The following MEF2C variants were observed in gnomAD, a reference collection of about 807,000 sequenced individuals.
MEF2C encodes the protein myocyte-specific enhancer factor 2C.
Under a neutral mutation model 50.5 loss-of-function variants are expected in MEF2C, and 6 were observed. The observed-to-expected ratio is 0.12, with a 90% CI of 0.07 to 0.23. MEF2C has a LOEUF of 0.23. MEF2C is among the 10% of genes least tolerant of loss of function. MEF2C has a pLI of 1.00. For missense variants in MEF2C, 276 were observed against 605.0 expected (o/e 0.46, Z 5.70); for synonymous variants, 183 against 228.0 (o/e 0.80, Z 1.78).
intron 4 of MEF2C, among the ~76,000 whole-genome samples, chr5:88,754,196 T>C (rs1316451877): frequency 6.6e-6 from 1 of 152,180 alleles, no homozygotes; most frequent in East Asian, 1.9e-4. Context: ...CAGGGTATTT[T>C]TTTATAGTGG....
chr5:88,759,437 G>A (rs952807447), intron 4 of MEF2C, among the ~76,000 whole-genome samples: 14 of 152,060 alleles, frequency 9.2e-5, no homozygotes, highest in Admixed American at 7.2e-4. Context: ...AGTGGAGATC[G>A]TGCCATTGCA....
At chr5:88,892,346 A>G (rs1280593264) in intron 1 of MEF2C, 1 of 152,228 alleles carries the variant, frequency 6.6e-6, no homozygotes, top group Non-Finnish European at 1.5e-5. Context: ...TAAAATGTGG[A>G]ACAAAATGTG....
intron 6 of MEF2C, chr5:88,741,599 T>C: frequency 2.0e-6 from 2 of 983,332 alleles, no homozygotes; most frequent in Non-Finnish European, 2.4e-6. Flanking sequence ...TGTAAATTAA[T>C]GTTATAATGT....
At chr5:88,873,695 A>G (rs1237216763) in intron 1 of MEF2C, among the ~76,000 whole-genome samples, 1 of 144,428 alleles carries the variant, frequency 6.9e-6, no homozygotes, top group African/African-American at 2.6e-5. Flanking sequence ...CAAATCTATC[A>G]ATGTCGTCAC....
intron 1 of MEF2C, among the ~76,000 whole-genome samples, chr5:88,866,733 G>T (rs1474231855): frequency 6.6e-6 from 1 of 151,986 alleles, no homozygotes; most frequent in South Asian, 2.1e-4. Context: ...ATCTAACTTT[G>T]GTTTTAAAGT....
At chr5:88,780,614 CT>C (rs1337904514) in intron 3 of MEF2C, 2 of 281,280 alleles carry the variant, frequency 7.1e-6, no homozygotes, top group African/African-American at 4.6e-5. Context: ...CATGAAAATA[CT>C]GCGGGAGCCA....
intron 1 of MEF2C, among the ~76,000 whole-genome samples, chr5:88,897,573 T>C (rs930060017): frequency 3.0e-4 from 46 of 152,330 alleles, no homozygotes; most frequent in African/African-American, 9.1e-4. Flanking sequence ...CAAGCTGTAT[T>C]ATTTAGCATC....
intron 1 of MEF2C, among the ~76,000 whole-genome samples, chr5:88,837,609 G>C (rs1490395139): frequency 6.6e-6 from 1 of 151,968 alleles, no homozygotes; most frequent in Non-Finnish European, 1.5e-5. Context: ...TTCCTAAATG[G>C]TATGCATTCA....
chr5:88,836,434 A>C (rs765024060), intron 1 of MEF2C, among the ~76,000 whole-genome samples: 40 of 151,890 alleles, frequency 2.6e-4, no homozygotes, highest in Non-Finnish European at 1.2e-4. Flanking sequence ...TCTCCTCTCT[A>C]CTTGTAGCAT....
chr5:88,774,468 G>A (rs1023100224), intron 3 of MEF2C, among the ~76,000 whole-genome samples: 42 of 151,790 alleles, frequency 2.8e-4, no homozygotes, highest in Non-Finnish European at 4.7e-4. Context: ...GACTACAGGC[G>A]CCCGCCACCA....
intron 5 of MEF2C, 100 bp downstream of exon 5, chr5:88,751,757 T>C (rs1245917743): frequency 2.2e-6 from 3 of 1,338,392 alleles, no homozygotes; most frequent in Admixed American, 1.8e-5. Context: ...GGAGAGTAAG[T>C]GGAAAACCAG....
rs377470222 is a variant in MEF2C, at chr5:88,760,099, G to A, written c.402+1086C>T. Among the ~76,000 whole-genome samples the A allele has an allele frequency of 2.0e-5, 3 of 152,206 alleles. No individual in the cohort carries two copies. The East Asian group carries it at 5.8e-4, about 29-fold the overall frequency. On this transcript the variant is annotated intron_variant, in intron 4 of 10. Transcript: ENST00000504921. ...TACTGAGGAGCTTGTATACAATTAAGGTTCAGACACTAACATTAGTTATTT... is the reference window on the plus strand; with the variant it reads ...TACTGAGGAGCTTGTATACAATTAAAGTTCAGACACTAACATTAGTTATTT...
intron 1 of MEF2C, among the ~76,000 whole-genome samples, chr5:88,826,430 T>C (rs1003145156): frequency 6.6e-6 from 1 of 151,940 alleles, no homozygotes; most frequent in Admixed American, 6.6e-5. Flanking sequence ...CAGAGTAATA[T>C]GTGGTGATGA....
At chr5:88,795,271 C>T (rs548282689) in intron 3 of MEF2C, among the ~76,000 whole-genome samples, 1 of 152,062 alleles carries the variant, frequency 6.6e-6, no homozygotes, top group Admixed American at 6.6e-5. Flanking sequence ...TCTTCCTATC[C>T]GTGAGCATGG....
At chr5:88,742,704 C>G (rs1767404067) in intron 6 of MEF2C, 2 of 985,172 alleles carry the variant, frequency 2.0e-6, no homozygotes, top group African/African-American at 1.7e-5. Flanking sequence ...CTGACTTAAC[C>G]TGTAACATTT....
At chr5:88,737,162 A>G (rs1048826641) in intron 6 of MEF2C, 7 of 985,444 alleles carry the variant, frequency 7.1e-6, no homozygotes, top group Non-Finnish European at 8.4e-6. Flanking sequence ...AAATGTAATG[A>G]GTAACTTGTT....
chr5:88,733,767 C>A, intron 6 of MEF2C: 1 of 985,130 alleles, frequency 1.0e-6, no homozygotes, highest in Non-Finnish European at 1.2e-6. Context: ...TAAAATTATC[C>A]CAGTTCCTGG....
At position 88,719,070 on chromosome 5, in the gene MEF2C, T is replaced by C. The variant is rs1418271783; in HGVS notation, c.*3534A>G. On this transcript the variant is annotated 3_prime_UTR_variant, in exon 11 of 11. Transcript: ENST00000504921. ...TTTAAAGAAAGAACTACAAAGCGTT[T>C]ACTCTCTGGAGAAACAAACAACAAA... The C allele has an allele frequency of 1.3e-5, 2 of 152,224 alleles. No homozygotes were observed. The highest frequency in any genetic ancestry group is 1.3e-4 in the Admixed American group (2 of 15,280). 9.4% of individuals were successfully genotyped at this position (152,224 alleles called of 1,614,324 possible).
intron 1 of MEF2C, among the ~76,000 whole-genome samples, chr5:88,894,132 CTT>C (rs1409116791): frequency 6.6e-6 from 1 of 152,140 alleles, no homozygotes; most frequent in East Asian, 1.9e-4. Context: ...GCTTTATAAA[CTT>C]TTGTTTCCTT....
Sources: gnomAD v4.1 joint callset for allele counts (sites outside exome capture counted in the v4.1 genomes callset) on GRCh38, gnomAD v4.1.1 for gene constraint, MANE v1.5 for transcripts, NCBI Gene and HGNC (gene_info 2026-07-23, HGNC 2026-07-21) for gene names.